CDH12: variants seen among roughly 807,000 people sequenced by gnomAD.
CDH12 encodes the protein cadherin 12, also known as cadherin-12.
Under a neutral mutation model 74.1 loss-of-function variants are expected in CDH12, and 41 were observed. The ratio of observed to expected loss-of-function variants is 0.55; its 90% CI spans 0.43 to 0.72. CDH12 has a LOEUF of 0.72. Among genes scored for constraint, CDH12 ranks in the 30% least tolerant of loss-of-function variants. CDH12 has a pLI of 0.00. For synonymous variants in CDH12, 399 were observed against 355.0 expected (o/e 1.12, Z -1.39); for missense variants, 945 against 977.2 (o/e 0.97, Z 0.44).
At chr5:22,739,360 T>C (rs1374920505) in intron 1 of CDH12, among the ~76,000 whole-genome samples, 1 of 151,870 alleles carries the variant, frequency 6.6e-6, no homozygotes, top group Admixed American at 6.6e-5. Context: ...ACACTCACAA[T>C]ACTACGTAAA....
intron 8 of CDH12, among the ~76,000 whole-genome samples, chr5:21,821,344 G>T (rs1413190271): frequency 6.6e-6 from 1 of 151,548 alleles, no homozygotes; most frequent in African/African-American, 2.4e-5. Flanking sequence ...TATAAATGAA[G>T]ATCTTTACTT....
intron 1 of CDH12, among the ~76,000 whole-genome samples, chr5:22,828,362 G>A (rs1372648033): frequency 1.3e-5 from 2 of 152,148 alleles, no homozygotes; most frequent in East Asian, 3.9e-4. Context: ...TTATCAAAAT[G>A]ATGCTGGTTT....
At chr5:22,704,771 A>G (rs1274473377) in intron 1 of CDH12, among the ~76,000 whole-genome samples, 4 of 152,050 alleles carry the variant, frequency 2.6e-5, no homozygotes, top group Non-Finnish European at 4.4e-5. Context: ...TGTCAAAACT[A>G]TATTATCATA....
In CDH12 at chr5:22,332,336, C is replaced by T. The variant is rs76519962; in HGVS notation, c.-333+72921G>A. Among the ~76,000 whole-genome samples, 129 of 152,182 alleles carry T rather than the reference C, an allele frequency of 8.5e-4. No individual in the cohort carries two copies. In the East Asian group the frequency reaches 0.024, roughly 28 times the overall value. ...GACTTTTTAGTGAAAACCCTACAGG[C>T]CAGGAGAAAGTGGCATGACATATTT... On this transcript the variant is annotated intron_variant, in intron 3 of 14. Transcript: ENST00000382254.
intron 2 of CDH12, among the ~76,000 whole-genome samples, chr5:22,419,050 T>C (rs1022083544): frequency 6.6e-6 from 1 of 152,186 alleles, no homozygotes; most frequent in Non-Finnish European, 1.5e-5. Flanking sequence ...TTGGTTCTGC[T>C]TATGTGATGG....
chr5:22,841,280 G>A (rs1737069187), intron 1 of CDH12, among the ~76,000 whole-genome samples: 2 of 152,140 alleles, frequency 1.3e-5, no homozygotes, highest in East Asian at 3.9e-4. Flanking sequence ...AATTAGATAT[G>A]CAATGTGAGT....
At chr5:22,361,709 A>G (rs1740808001) in intron 3 of CDH12, among the ~76,000 whole-genome samples, 1 of 152,202 alleles carries the variant, frequency 6.6e-6, no homozygotes, top group African/African-American at 2.4e-5. Flanking sequence ...CCAAAACAGC[A>G]TGGTACTGGT....
chr5:21,807,399 A>T (rs1355313414), intron 9 of CDH12, among the ~76,000 whole-genome samples: 1 of 152,086 alleles, frequency 6.6e-6, no homozygotes, highest in African/African-American at 2.4e-5. Context: ...TTACTGCAGT[A>T]CCATGGTCTC....
At chr5:22,017,837 A>G (rs528503541) in intron 5 of CDH12, among the ~76,000 whole-genome samples, 2 of 150,168 alleles carry the variant, frequency 1.3e-5, no homozygotes, top group South Asian at 4.2e-4. Context: ...TCAGCTCACC[A>G]CAACACCTGC....
intron 1 of CDH12, among the ~76,000 whole-genome samples, chr5:22,795,224 TTGAG>T (rs1166453089): frequency 2.0e-5 from 3 of 152,162 alleles, no homozygotes; most frequent in Non-Finnish European, 4.4e-5. Context: ...TTTAGATGAA[TTGAG>T]TAAGAAATAG....
chr5:22,772,834 T>C (rs1746881493), intron 1 of CDH12, among the ~76,000 whole-genome samples: 1 of 152,058 alleles, frequency 6.6e-6, no homozygotes, highest in Non-Finnish European at 1.5e-5. Context: ...ATGGTGACTA[T>C]GAAAATACTA....
At chr5:21,772,532 C>T (rs1745376219) in intron 11 of CDH12, among the ~76,000 whole-genome samples, 1 of 152,156 alleles carries the variant, frequency 6.6e-6, no homozygotes, top group Non-Finnish European at 1.5e-5. Flanking sequence ...CCTTGGCCTT[C>T]CAAAGTGCTG....
At chr5:22,121,193 T>C (rs531607731) in intron 4 of CDH12, among the ~76,000 whole-genome samples, 4 of 152,322 alleles carry the variant, frequency 2.6e-5, no homozygotes, top group African/African-American at 7.2e-5. Context: ...TCTACACATA[T>C]TGGGAAGAGG....
intron 3 of CDH12, among the ~76,000 whole-genome samples, chr5:22,240,573 G>A (rs369677307): frequency 7.2e-5 from 11 of 152,226 alleles, no homozygotes; most frequent in South Asian, 2.1e-4. Context: ...TCGTTCCTTC[G>A]CCTAGGCTGG....
chr5:22,676,557 A>C (rs1018335289), intron 1 of CDH12, among the ~76,000 whole-genome samples: 1 of 152,198 alleles, frequency 6.6e-6, no homozygotes, highest in African/African-American at 2.4e-5. Flanking sequence ...CTGGTCAGAC[A>C]CATGCTGTTT....
At chr5:22,843,253 A>G (rs996653453) in intron 1 of CDH12, among the ~76,000 whole-genome samples, 3 of 152,092 alleles carry the variant, frequency 2.0e-5, no homozygotes, top group African/African-American at 7.2e-5. Flanking sequence ...GAAAACACTC[A>G]TAACTTACCA....
At chr5:22,497,833 G>T (rs1747166363) in intron 2 of CDH12, among the ~76,000 whole-genome samples, 1 of 151,726 alleles carries the variant, frequency 6.6e-6, no homozygotes, top group East Asian at 1.9e-4. Flanking sequence ...AGTAGAGACG[G>T]GGTTTCACCA....
intron 11 of CDH12, among the ~76,000 whole-genome samples, chr5:21,770,671 C>A (rs1373130770): frequency 6.6e-6 from 1 of 151,284 alleles, no homozygotes; most frequent in Non-Finnish European, 1.5e-5. Context: ...AAAGAACTTA[C>A]AACAGAATTA....
At chr5:22,460,765 G>T (rs1745475809) in intron 2 of CDH12, among the ~76,000 whole-genome samples, 1 of 125,038 alleles carries the variant, frequency 8.0e-6, no homozygotes, top group African/African-American at 3.1e-5. Context: ...TTGTCCCCCA[G>T]GATGGAGCGT....
Sources: allele counts gnomAD v4.1 joint callset (sites outside exome capture counted in the v4.1 genomes callset), GRCh38; gene constraint gnomAD v4.1.1; transcripts MANE v1.5; gene names NCBI Gene and HGNC (gene_info 2026-07-23, HGNC 2026-07-21).